Variants in PHF21A observed in about 807,000 individuals in gnomAD.
PHF21A encodes BHC80a.
Under a neutral mutation model 82.5 loss-of-function variants are expected in PHF21A, and 11 were observed. The ratio of observed to expected loss-of-function variants is 0.13; its 90% CI spans 0.08 to 0.22. The LOEUF is 0.22. Among genes scored for constraint, PHF21A ranks in the 10% least tolerant of loss-of-function variants. The probability of loss-of-function intolerance (pLI) is 1.00; values close to 1 mark genes in which losing one functional copy is unlikely to be tolerated. For missense variants in PHF21A, 579 were observed against 837.8 expected, an observed-to-expected ratio of 0.69 and a Z score of 3.81; for synonymous variants, 297 against 302.8, an observed-to-expected ratio of 0.98 and a Z score of 0.20.
rs60179976 is a variant in PHF21A, at chr11:45,986,084, A to AACACACACACAC, written c.154-6130_154-6119dup. 1.1e-3 allele frequency among the ~76,000 whole-genome samples: 150 copies of AACACACACACAC among 132,278 alleles called. 2 individuals carry two copies. The highest frequency in any genetic ancestry group is 1.9e-3 in the African/African-American group (69 of 35,928). The allele number at this position is 132,278 out of a possible 152,430, so 86.8% of individuals were successfully genotyped here. A position where few individuals can be genotyped will look rare whatever the true frequency, so the allele number is the denominator to read the frequency against. ...TCTTTGGGGCTTATTCTTCCTTCAA[A>AACACACACACAC]ACACACACACACACACACACACACA... On this transcript the variant is annotated intron_variant, in intron 6 of 18. Coordinates refer to ENST00000676320, the MANE Select transcript of PHF21A (RefSeq NM_001352027.3).
At chr11:46,110,736 C>T (rs78917538) in intron 1 of PHF21A, among the ~76,000 whole-genome samples, 1 of 151,930 alleles carries the variant, frequency 6.6e-6, no homozygotes, top group Admixed American at 6.6e-5. Context: ...AGATTCCATA[C>T]ATTTTGGACA....
chr11:45,935,926 C>T (rs545388261), intron 17 of PHF21A, among the ~76,000 whole-genome samples, 187 bp from the exon 18 acceptor site: 2 of 152,250 alleles, frequency 1.3e-5, no homozygotes, highest in South Asian at 2.1e-4. Context: ...CTAAAACTGT[C>T]AGTGGCTTGG....
At chr11:46,013,278 C>T (rs1023608572) in intron 6 of PHF21A, among the ~76,000 whole-genome samples, 2 of 152,066 alleles carry the variant, frequency 1.3e-5, no homozygotes, top group Admixed American at 6.6e-5. Flanking sequence ...TTAAACTGCA[C>T]GCTTAGAGTA....
intron 1 of PHF21A, chr11:46,118,855 A>T (rs973991955): frequency 2.6e-5 from 4 of 152,232 alleles, no homozygotes; most frequent in Non-Finnish European, 4.4e-5. Context: ...GCCAGTCTTC[A>T]AAGACCAAAA....
chr11:46,076,024 G>C (rs988015012), intron 6 of PHF21A, among the ~76,000 whole-genome samples: 1 of 152,208 alleles, frequency 6.6e-6, no homozygotes, highest in African/African-American at 2.4e-5. Context: ...CAGAGGGAGA[G>C]TGGTGGGGAA....
chr11:46,007,442 T>C (rs1188945707), intron 6 of PHF21A, among the ~76,000 whole-genome samples: 1 of 152,014 alleles, frequency 6.6e-6, no homozygotes, highest in Non-Finnish European at 1.5e-5. Context: ...GCCTCCTGAG[T>C]AGCTGGGTTT....
intron 6 of PHF21A, among the ~76,000 whole-genome samples, chr11:46,011,537 T>C (rs61882513): frequency 0.12 from 18,353 of 152,060 alleles, 1,330 homozygotes; most frequent in African/African-American, 0.22. Flanking sequence ...AGTAAGAAGA[T>C]TGGCAATTTC....
At chr11:45,953,490 C>A in intron 11 of PHF21A, 37 bp downstream of exon 11, 1 of 1,302,976 alleles carries the variant, frequency 7.7e-7, no homozygotes, top group Non-Finnish European at 1.1e-6. Flanking sequence ...AACCATACAC[C>A]ATAGACTGAG....
At chr11:46,062,558 A>C (rs1466560805) in intron 6 of PHF21A, among the ~76,000 whole-genome samples, 1 of 151,988 alleles carries the variant, frequency 6.6e-6, no homozygotes, top group Non-Finnish European at 1.5e-5. Flanking sequence ...CTAGGGATCT[A>C]AATTTATAGT....
intron 1 of PHF21A, among the ~76,000 whole-genome samples, chr11:46,092,497 C>A (rs929554684): frequency 6.6e-6 from 1 of 152,148 alleles, no homozygotes; most frequent in South Asian, 2.1e-4. Flanking sequence ...CTAAGAGACA[C>A]ATAGAAATGA....
intron 9 of PHF21A, among the ~76,000 whole-genome samples, chr11:45,968,898 T>G (rs1285053199): frequency 2.3e-5 from 3 of 130,820 alleles, no homozygotes; most frequent in African/African-American, 5.9e-5. Context: ...GCCACTGCAC[T>G]CCAGCCTGTG....
intron 6 of PHF21A, among the ~76,000 whole-genome samples, chr11:46,020,509 TG>T (rs1437780545): frequency 6.6e-6 from 1 of 152,214 alleles, no homozygotes; most frequent in Non-Finnish European, 1.5e-5. Flanking sequence ...AAGCAGGCCC[TG>T]GATACAACTA....
At chr11:45,998,833 GT>G (rs11297107) in intron 6 of PHF21A, among the ~76,000 whole-genome samples, 70,528 of 145,686 alleles carry the variant, frequency 0.48, 18,805 homozygotes, top group East Asian at 0.81. Context: ...TTTTGTTTTT[GT>G]TTTTTTTTGA....
chr11:46,051,614 T>C (rs922466670), intron 6 of PHF21A, among the ~76,000 whole-genome samples: 3 of 152,182 alleles, frequency 2.0e-5, no homozygotes, highest in Non-Finnish European at 4.4e-5. Context: ...GAGTTCTCAT[T>C]AACCAGCTGT....
At chr11:46,000,290 T>C (rs1244865020) in intron 6 of PHF21A, among the ~76,000 whole-genome samples, 1 of 152,210 alleles carries the variant, frequency 6.6e-6, no homozygotes, top group African/African-American at 2.4e-5. Flanking sequence ...TTAGAAAATA[T>C]ATTCTCTCAC....
chr11:45,972,900 A>G (rs1373555115), intron 7 of PHF21A, among the ~76,000 whole-genome samples: 7 of 151,232 alleles, frequency 4.6e-5, no homozygotes, highest in African/African-American at 1.5e-4. Context: ...TGAGAGAGCG[A>G]GTCTCCGTCT....
intron 15 of PHF21A, among the ~76,000 whole-genome samples, chr11:45,941,184 G>T (rs549507637): frequency 6.6e-6 from 1 of 151,952 alleles, no homozygotes; most frequent in East Asian, 1.9e-4. Context: ...CTGCAGCCTC[G>T]ACCTCCCAGG....
intron 10 of PHF21A, among the ~76,000 whole-genome samples, chr11:45,959,129 C>T (rs556084802): frequency 1.3e-5 from 2 of 151,962 alleles, no homozygotes; most frequent in South Asian, 4.2e-4. Flanking sequence ...TATAATATAC[C>T]ACATTAACAG....
intron 6 of PHF21A, among the ~76,000 whole-genome samples, chr11:46,009,504 G>A (rs2095368627): frequency 6.6e-6 from 1 of 152,128 alleles, no homozygotes; most frequent in South Asian, 2.1e-4. Flanking sequence ...AATAGCAGCT[G>A]CACACATTTA....
Sources: allele counts gnomAD v4.1 joint callset (sites outside exome capture counted in the v4.1 genomes callset), GRCh38; gene constraint gnomAD v4.1.1; transcripts MANE v1.5; gene names NCBI Gene and HGNC (gene_info 2026-07-23, HGNC 2026-07-21).